BRDT: variants seen among roughly 807,000 people sequenced by gnomAD.
The protein encoded by BRDT is bromodomain testis associated, also known as bromodomain testis-specific protein.
BRDT carries 77 observed loss-of-function variants against 113.9 expected under a neutral mutation model. That is an observed-to-expected ratio of 0.68 (90% confidence interval 0.56 to 0.82). BRDT has a LOEUF of 0.82. Ranked by LOEUF, BRDT falls within the 40% of genes least tolerant of loss-of-function variation. The pLI is 0.00. For missense variants in BRDT, 1,027 were observed against 1,105.4 expected, an observed-to-expected ratio of 0.93 and a Z score of 1.01; for synonymous variants, 358 against 366.5, an observed-to-expected ratio of 0.98 and a Z score of 0.26.
rs200648143 is a variant in BRDT, at chr1:92,004,917, CCA to C, written c.2595-199_2595-198del. ...GTTAGAAGATAGTGGTTCATCTTGG[CCA>C]CAGTTTTCCAAAACCATTTATTTGT... On this transcript the variant is annotated intron_variant, in intron 17 of 18. Transcript: ENST00000399546. 7.1e-3 allele frequency among the ~76,000 whole-genome samples: 1,081 copies of C among 152,168 alleles called. 7 individuals carry two copies. Among genetic ancestry groups the C allele is most frequent in the Non-Finnish European group, 0.011 (715 of 67,996 alleles).
intron 12 of BRDT, among the ~76,000 whole-genome samples, chr1:91,983,065 G>A (rs1684860651): frequency 6.6e-6 from 1 of 151,832 alleles, no homozygotes; most frequent in Non-Finnish European, 1.5e-5. Context: ...AAGTGTTAGA[G>A]GAAAAGTACA....
intron 3 of BRDT, among the ~76,000 whole-genome samples, chr1:91,966,176 C>T (rs1282246643): frequency 6.6e-6 from 1 of 152,004 alleles, no homozygotes; most frequent in Non-Finnish European, 1.5e-5. Context: ...ATATAGTATT[C>T]CCATTTCCTA....
chr1:91,977,417 A>T, intron 6 of BRDT, 24 bp downstream of exon 6: 1 of 1,434,050 alleles, frequency 7.0e-7, no homozygotes, highest in Non-Finnish European at 9.3e-7. Context: ...TAAAAGGAAG[A>T]ACTTCTTTTT....
chr1:92,014,234 A>T lies in BRDT; in HGVS notation c.2804A>T (p.Gln935Leu). 1.3e-6 allele frequency: 2 copies of T among 1,592,698 alleles called. No homozygotes were observed. The highest frequency in any genetic ancestry group is 1.7e-6 in the Non-Finnish European group (2 of 1,173,844). ...AMVGTIDMTLQSDIMTMFENN... is the reference protein window; with the variant it reads ...AMVGTIDMTLLSDIMTMFENN... ...GTGGGTACCATTGATATGACCCTTCAAAGTGACATTATGACAATGTTTGAA... is the reference window on the plus strand; with the variant it reads ...GTGGGTACCATTGATATGACCCTTCTAAGTGACATTATGACAATGTTTGAA... The change falls in exon 19 of 19, where the codon CAA (glutamine) becomes CTA (leucine). Residue 935 changes from glutamine (Q) to leucine (L), a missense_variant. Gln to Leu is a moderately radical substitution (Grantham distance 113). Coordinates refer to ENST00000399546, the MANE Select transcript of BRDT (RefSeq NM_207189.4).
chr1:91,981,786 G>A, intron 12 of BRDT, 31 bp downstream of exon 12: 2 of 1,554,080 alleles, frequency 1.3e-6, no homozygotes, highest in South Asian at 1.2e-5. Context: ...TACCTCTGTT[G>A]ATGGGAGCAC....
At chr1:91,965,139 C>T (rs1205348112) in intron 3 of BRDT, among the ~76,000 whole-genome samples, 2 of 151,912 alleles carry the variant, frequency 1.3e-5, no homozygotes, top group African/African-American at 2.4e-5. Flanking sequence ...GTCTTGAACT[C>T]CTGACCTCAG....
chr1:91,987,761 A>G (rs1175316805), intron 12 of BRDT, among the ~76,000 whole-genome samples: 2 of 152,188 alleles, frequency 1.3e-5, no homozygotes, highest in African/African-American at 4.8e-5. Context: ...TGGAACATCT[A>G]TCTCAGTGCT....
At chr1:91,979,060 T>G (rs1344134946) in intron 7 of BRDT, among the ~76,000 whole-genome samples, 3 of 149,428 alleles carry the variant, frequency 2.0e-5, no homozygotes, top group Non-Finnish European at 4.4e-5. Context: ...GAGGTCTATC[T>G]TGCCTGAAAA....
intron 8 of BRDT, 65 bp from the exon 9 acceptor site, chr1:91,980,577 AT>A: frequency 8.0e-7 from 1 of 1,243,166 alleles, no homozygotes; most frequent in Non-Finnish European, 1.0e-6. Context: ...GAGTGGCTTG[AT>A]TTTTTTCTAG....
chr1:92,004,507 C>T lies in BRDT; in HGVS notation c.2482C>T (p.Gln828Ter). The change falls in exon 17 of 19, where the codon CAA becomes TAA. Residue 828 changes from glutamine (Q) to a stop codon, truncating the protein, a stop_gained. Coordinates refer to ENST00000399546, the MANE Select transcript of BRDT (RefSeq NM_207189.4). LOFTEE classifies it high-confidence loss of function. ...GAAATCCTCAGATGAGCTCTTCAAC[C>T]AATTTAGAAAAGCAGCCATAGAAAA... ...VMKSSDELFN[Q>*]FRKAAIEKEV... is the part of the protein sequence containing the mutation. 1 of 1,613,252 alleles carries T rather than the reference C, an allele frequency of 6.2e-7. No individual in the cohort carries two copies. The highest frequency in any genetic ancestry group is 8.5e-7 in the Non-Finnish European group (1 of 1,179,648).
chr1:91,977,434 T>C lies in BRDT; in HGVS notation c.969+41T>C, dbSNP rs1570520472. 2.9e-6 allele frequency: 4 copies of C among 1,384,978 alleles called. No homozygotes were observed. The East Asian group carries it at 9.6e-5, about 33-fold the overall frequency. 85.8% of individuals were successfully genotyped at this position (1,384,978 alleles called of 1,614,324 possible). A position where few individuals can be genotyped will look rare whatever the true frequency, so the allele number is the denominator to read the frequency against. ...AAAGGAAGAACTTCTTTTTCTTGATTATAAAAGTAATTCATCATTGCAAAG... is the reference window on the plus strand; with the variant it reads ...AAAGGAAGAACTTCTTTTTCTTGATCATAAAAGTAATTCATCATTGCAAAG... On this transcript the variant is annotated intron_variant, in intron 6 of 18. Transcript: ENST00000399546.
At chr1:91,952,051 G>A (rs1681153333) in intron 1 of BRDT, 1 of 152,212 alleles carries the variant, frequency 6.6e-6, no homozygotes, top group African/African-American at 2.4e-5. Flanking sequence ...CAAAGAGACT[G>A]TATCCCCAAA....
intron 16 of BRDT, 99 bp downstream of exon 16, chr1:92,002,248 T>C (rs887381272): frequency 5.2e-5 from 42 of 815,104 alleles, no homozygotes; most frequent in Non-Finnish European, 3.8e-6. Context: ...TTAAATGAAA[T>C]GTTGGATCTC....
chr1:92,004,475 G>C lies in BRDT; in HGVS notation c.2450G>C (p.Gly817Ala). 6.2e-7 allele frequency: 1 copy of C among 1,612,600 alleles called. No individual in the cohort carries two copies. The highest frequency in any genetic ancestry group is 8.5e-7 in the Non-Finnish European group (1 of 1,179,546). The change falls in exon 17 of 19, where the codon GGT (glycine) becomes GCT (alanine). Residue 817 changes from glycine (G) to alanine (A), a missense_variant. Coordinates refer to ENST00000399546, the MANE Select transcript of BRDT (RefSeq NM_207189.4). ...KSLGKPVKPS[G>A]VMKSSDELFN... Reference sequence around the variant, plus strand: ...TTAGGCAAACCAGTGAAACCATCAGGTGTAATGAAATCCTCAGATGAGCTC... The same window carrying C: ...TTAGGCAAACCAGTGAAACCATCAGCTGTAATGAAATCCTCAGATGAGCTC...
chr1:91,966,048 T>A (rs945309879), intron 3 of BRDT, among the ~76,000 whole-genome samples: 5 of 152,136 alleles, frequency 3.3e-5, no homozygotes, highest in African/African-American at 1.2e-4. Flanking sequence ...TTTTATTTTT[T>A]GAGATGGAGT....
At chr1:91,954,855 T>C (rs1681566478) in intron 1 of BRDT, among the ~76,000 whole-genome samples, 1 of 151,928 alleles carries the variant, frequency 6.6e-6, no homozygotes, top group Non-Finnish European at 1.5e-5. Flanking sequence ...CCCAGCTACT[T>C]GGGAGGCTGA....
chr1:91,999,996 C>T (rs1036128238), intron 15 of BRDT, among the ~76,000 whole-genome samples: 4 of 152,220 alleles, frequency 2.6e-5, no homozygotes, highest in African/African-American at 9.6e-5. Flanking sequence ...CTACCTCAGC[C>T]TCTCAAGTAG....
At chr1:91,973,407 T>C (rs1003658163) in intron 4 of BRDT, among the ~76,000 whole-genome samples, 10 of 152,082 alleles carry the variant, frequency 6.6e-5, no homozygotes, top group Admixed American at 4.6e-4. Flanking sequence ...ATTCTTCCTA[T>C]CCATGAGCAT....
At chr1:91,981,459 G>C in intron 11 of BRDT, 78 bp downstream of exon 11, 1 of 1,493,814 alleles carries the variant, frequency 6.7e-7, no homozygotes. Context: ...TGCCCAGGCT[G>C]GTCTTGAACT....
Sources: gnomAD v4.1 joint callset for allele counts (sites outside exome capture counted in the v4.1 genomes callset) on GRCh38, gnomAD v4.1.1 for gene constraint, MANE v1.5 for transcripts, NCBI Gene and HGNC (gene_info 2026-07-23, HGNC 2026-07-21) for gene names.